CELF2: variants seen among roughly 807,000 people sequenced by gnomAD.
CELF2 encodes CUG triplet repeat RNA-binding protein 2.
CELF2 carries 8 observed loss-of-function variants against 62.6 expected under a neutral mutation model. The observed-to-expected ratio is 0.13, with a 90% CI of 0.07 to 0.23. The LOEUF is 0.23. Among genes scored for constraint, CELF2 ranks in the 10% least tolerant of loss-of-function variants. The pLI, the probability that CELF2 is intolerant of heterozygous loss-of-function variation, is 1.00. For missense variants in CELF2, 333 were observed against 671.0 expected, an observed-to-expected ratio of 0.50 and a Z score of 5.56; for synonymous variants, 258 against 250.0, an observed-to-expected ratio of 1.03 and a Z score of -0.30.
At chr10:11,293,295 T>C (rs1405779717) in intron 9 of CELF2, among the ~76,000 whole-genome samples, 2 of 152,250 alleles carry the variant, frequency 1.3e-5, no homozygotes, top group African/African-American at 4.8e-5. Flanking sequence ...TAATGCACAT[T>C]ATAAAAAGTA....
chr10:11,283,879 G>GAGT (rs1288488755), intron 8 of CELF2, among the ~76,000 whole-genome samples: 12 of 149,876 alleles, frequency 8.0e-5, no homozygotes, highest in East Asian at 6.0e-4. Context: ...GATGATGGAT[G>GAGT]GAGGGGTGGG....
intron 1 of CELF2, among the ~76,000 whole-genome samples, chr10:11,057,122 C>G (rs1195298511): frequency 6.6e-6 from 1 of 152,154 alleles, no homozygotes. Context: ...ACAGTTTGCC[C>G]TGATGAAAAA....
At position 11,270,428 on chromosome 10, in the gene CELF2, C is replaced by T. The variant is rs2083423499; in HGVS notation, c.619-238C>T. Among the ~76,000 whole-genome samples, 1 of 152,170 alleles carries T rather than the reference C, an allele frequency of 6.6e-6. No homozygotes were observed. Among genetic ancestry groups the T allele is most frequent in the Admixed American group, 6.5e-5 (1 of 15,278 alleles). The stretch of plus-strand genomic sequence containing the variant: ...AAGGAGAGGCAGTTACTAATCAGAG[C>T]AAGAAAGCAAGTGACTTCACCGACC... On this transcript the variant is annotated intron_variant, in intron 6 of 12. Transcript: ENST00000633077. The surrounding 1 kb of genome is among the most constrained non-coding windows in gnomAD (Gnocchi z 5.8).
At chr10:10,598,790 T>A in the CELF2 span, among the ~76,000 whole-genome samples, 2 of 133,254 alleles carry the variant, frequency 1.5e-5, no homozygotes, top group Admixed American at 1.6e-4. Context: ...AGACAGAGTC[T>A]CCCTCTGTAG....
chr10:10,812,611 A>G (rs2056034881), intron 1 of CELF2, among the ~76,000 whole-genome samples: 1 of 152,172 alleles, frequency 6.6e-6, no homozygotes. Context: ...CTGGTCCTGT[A>G]TGCAGGACCC....
the CELF2 span, among the ~76,000 whole-genome samples, chr10:10,478,809 A>C: frequency 6.6e-6 from 1 of 152,214 alleles, no homozygotes; most frequent in Non-Finnish European, 1.5e-5. Flanking sequence ...TTTCAGTTTT[A>C]AAAGCATTCA....
chr10:10,959,199 T>C (rs972505777), intron 2 of CELF2, among the ~76,000 whole-genome samples: 3 of 152,156 alleles, frequency 2.0e-5, no homozygotes, highest in Admixed American at 1.3e-4. Flanking sequence ...AAGAATCACT[T>C]GAACCTGGGA....
chr10:11,174,739 A>G (rs2070376967), intron 2 of CELF2, among the ~76,000 whole-genome samples: 1 of 152,218 alleles, frequency 6.6e-6, no homozygotes, highest in Non-Finnish European at 1.5e-5. Context: ...GTCTCTTTAT[A>G]GTAGTCTTCC....
Position 10,983,519 on chromosome 10 carries a change from ATGCTATGATGGG to A in CELF2, c.89+63526_89+63537del, listed in dbSNP as rs1328346694. ...TTTACTGAGTCCCTACAAAGGCCTTATGCTATGATGGGTGCTACCGAAGATACATCCGTAGTT... is the reference window on the plus strand; with the variant it reads ...TTTACTGAGTCCCTACAAAGGCCTTATGCTACCGAAGATACATCCGTAGTT... On this transcript the variant is annotated intron_variant, in intron 2 of 13. Coordinates refer to the CELF2 transcript ENST00000636488. The surrounding 1 kb of genome is among the most constrained non-coding windows in gnomAD (Gnocchi z 5.2). 6.6e-6 allele frequency among the ~76,000 whole-genome samples: 1 copy of A among 152,200 alleles called. No homozygotes were observed. Among genetic ancestry groups the A allele is most frequent in the Non-Finnish European group, 1.5e-5 (1 of 68,022 alleles).
intron 1 of CELF2, among the ~76,000 whole-genome samples, chr10:10,874,334 G>A (rs2060951012): frequency 6.6e-6 from 1 of 151,086 alleles, no homozygotes; most frequent in Non-Finnish European, 1.5e-5. Context: ...TCTCTTAAAA[G>A]AAAGAGTAGT....
At chr10:11,184,981 T>A (rs2074445521) in intron 2 of CELF2, among the ~76,000 whole-genome samples, 1 of 152,254 alleles carries the variant, frequency 6.6e-6, no homozygotes. Flanking sequence ...ACTTTTTCTT[T>A]ACACTGAAAA....
intron 9 of CELF2, among the ~76,000 whole-genome samples, chr10:11,291,005 C>T (rs754968407): frequency 2.6e-5 from 4 of 152,164 alleles, no homozygotes; most frequent in Non-Finnish European, 4.4e-5. Context: ...CATGAATCTC[C>T]ACTTCATCAA....
At chr10:10,581,471 G>A in the CELF2 span, among the ~76,000 whole-genome samples, 1 of 152,076 alleles carries the variant, frequency 6.6e-6, no homozygotes, top group Non-Finnish European at 1.5e-5. Context: ...GAACGCTCTG[G>A]CAGGGTGGAG....
rs2067152940 is a variant in CELF2 at position 11,227,840 on chromosome 10, A to C, written c.354+10333A>C. Among the ~76,000 whole-genome samples the C allele has an allele frequency of 6.6e-6, 1 of 152,138 alleles. No individual in the cohort carries two copies. Among genetic ancestry groups the C allele is most frequent in the African/African-American group, 2.4e-5 (1 of 41,428 alleles). On this transcript the variant is annotated intron_variant, in intron 3 of 12. Transcript: ENST00000633077. The surrounding 1 kb of genome is among the most constrained non-coding windows in gnomAD (Gnocchi z 4.8). The stretch of plus-strand genomic sequence containing the variant: ...GCAAAGGATAGGCTCCTGCAAACTC[A>C]TCTCCTCTCCTGGAGGCTTAACTGA...
chr10:10,652,459 G>C, the CELF2 span, among the ~76,000 whole-genome samples: 36,035 of 125,982 alleles, frequency 0.29, 5,140 homozygotes, highest in South Asian at 0.52. Flanking sequence ...AAAATGTTAA[G>C]GGCAGCCAGA....
intron 11 of CELF2, among the ~76,000 whole-genome samples, chr10:11,325,368 T>C (rs1305893774): frequency 6.6e-6 from 1 of 152,234 alleles, no homozygotes; most frequent in African/African-American, 2.4e-5. Context: ...AGGCAAATGA[T>C]AGAGAAATCG....
At chr10:11,014,999 A>G (rs1292928320), upstream of CELF2, among the ~76,000 whole-genome samples, 1 of 152,170 alleles carries the variant, frequency 6.6e-6, no homozygotes, top group Admixed American at 6.5e-5. Flanking sequence ...ACCGGTTCAT[A>G]TCCACGGGTG....
the CELF2 span, among the ~76,000 whole-genome samples, chr10:10,545,191 T>G: frequency 1.3e-5 from 2 of 152,238 alleles, no homozygotes; most frequent in African/African-American, 4.8e-5. Context: ...ATGCCCATTT[T>G]TACCTTAAAG....
chr10:11,143,541 C>T (rs1188232066), intron 1 of CELF2, among the ~76,000 whole-genome samples: 1 of 152,178 alleles, frequency 6.6e-6, no homozygotes, highest in Non-Finnish European at 1.5e-5. Context: ...GAATGATTTC[C>T]ACCCCAGAAG....
Sources: allele counts gnomAD v4.1 joint callset (sites outside exome capture counted in the v4.1 genomes callset), GRCh38; gene constraint gnomAD v4.1.1; non-coding constraint Gnocchi (gnomAD v3.1); transcripts MANE v1.5; gene names NCBI Gene and HGNC (gene_info 2026-07-23, HGNC 2026-07-21).